CABIN1: variants seen among roughly 807,000 people sequenced by gnomAD.
CABIN1 encodes the protein calcineurin-binding protein cabin-1.
Under a neutral mutation model 227.7 loss-of-function variants are expected in CABIN1, and 133 were observed. That is an observed-to-expected ratio of 0.58 (90% confidence interval 0.51 to 0.67). The LOEUF is 0.67. Ranked by LOEUF, CABIN1 falls within the 30% of genes least tolerant of loss-of-function variation. The pLI, the probability that CABIN1 is intolerant of heterozygous loss-of-function variation, is 0.00. For missense variants in CABIN1, 2,408 were observed against 2,852.5 expected (o/e 0.84, Z 3.55); for synonymous variants, 1,086 against 1,155.1 (o/e 0.94, Z 1.21).
chr22:24,106,839 G>A (rs2042547394), intron 26 of CABIN1, among the ~76,000 whole-genome samples: 1 of 152,152 alleles, frequency 6.6e-6, no homozygotes, highest in African/African-American at 2.4e-5. Flanking sequence ...TTGCCCTATT[G>A]ACGTGAAAGA....
At chr22:24,098,259 G>A (rs374983727) in intron 26 of CABIN1, 67 bp downstream of exon 26, 10 of 1,597,366 alleles carry the variant, frequency 6.3e-6, no homozygotes, top group African/African-American at 2.7e-5. Flanking sequence ...GTGCTCGGAC[G>A]ACTCATTTTG....
At chr22:24,121,968 G>A (rs1460619679) in intron 28 of CABIN1, among the ~76,000 whole-genome samples, 1 of 152,190 alleles carries the variant, frequency 6.6e-6, no homozygotes, top group African/African-American at 2.4e-5. Flanking sequence ...TACAAAATAT[G>A]TATTAGGAAT....
intron 15 of CABIN1, among the ~76,000 whole-genome samples, chr22:24,065,892 C>T (rs1176568491): frequency 2.0e-5 from 3 of 152,166 alleles, no homozygotes; most frequent in African/African-American, 7.2e-5. Context: ...CAATCGCAGG[C>T]ACTCGGCAGG....
chr22:24,067,011 G>T lies in CABIN1; in HGVS notation c.2062G>T (p.Glu688Ter). ...EEIDKNLKSL[E>*]RCQSLEEIQR... ...GATTGATAAGAACCTGAAGTCGCTGGAGCGGTGCCAGTCCCTGGAGGAGAT... is the reference window on the plus strand; with the variant it reads ...GATTGATAAGAACCTGAAGTCGCTGTAGCGGTGCCAGTCCCTGGAGGAGAT... Residue 688 changes from glutamate to a stop codon, truncating the protein, a stop_gained, in exon 16 of 37, where the codon GAG (glutamate) becomes TAG (stop). Transcript: ENST00000263119. LOFTEE classifies it high-confidence loss of function. 6.2e-7 allele frequency: 1 copy of T among 1,614,230 alleles called. No individual in the cohort carries two copies. The highest frequency in any genetic ancestry group is 8.5e-7 in the Non-Finnish European group (1 of 1,180,036).
chr22:24,157,233 A>G (rs1461931018), intron 29 of CABIN1, among the ~76,000 whole-genome samples: 1 of 152,016 alleles, frequency 6.6e-6, no homozygotes, highest in African/African-American at 2.4e-5. Context: ...TTTCCTCCCA[A>G]CCTTAGGGGA....
At chr22:24,036,765 T>G (rs930778645) in intron 3 of CABIN1, among the ~76,000 whole-genome samples, 1 of 152,182 alleles carries the variant, frequency 6.6e-6, no homozygotes, top group African/African-American at 2.4e-5. Context: ...AATAAACATA[T>G]GCCTTCCCTT....
At chr22:24,039,284 C>T (rs907268505) in intron 4 of CABIN1, among the ~76,000 whole-genome samples, 2 of 152,158 alleles carry the variant, frequency 1.3e-5, no homozygotes, top group Admixed American at 1.3e-4. Context: ...TAGTGCTAGG[C>T]ATGCAGACAC....
At chr22:24,112,168 T>G (rs1264984770) in intron 26 of CABIN1, among the ~76,000 whole-genome samples, 1 of 152,248 alleles carries the variant, frequency 6.6e-6, no homozygotes, top group Non-Finnish European at 1.5e-5. Context: ...TTTGTGTGTC[T>G]TACAATTTTT....
chr22:24,099,353 C>A (rs377399981), intron 26 of CABIN1, among the ~76,000 whole-genome samples: 1 of 152,174 alleles, frequency 6.6e-6, no homozygotes, highest in Non-Finnish European at 1.5e-5. Context: ...GAAAGGAGAC[C>A]TGCAGTGTCC....
chr22:24,062,868 G>GGTGT (rs1222151032), intron 13 of CABIN1, 91 bp from the exon 14 acceptor site: 2 of 1,235,700 alleles, frequency 1.6e-6, no homozygotes, highest in African/African-American at 1.5e-5. Context: ...AGATAGGGTG[G>GGTGT]GTGTGGTTAG....
intron 24 of CABIN1, among the ~76,000 whole-genome samples, chr22:24,094,433 C>T (rs553894635): frequency 6.6e-6 from 1 of 152,204 alleles, no homozygotes; most frequent in African/African-American, 2.4e-5. Context: ...AGCAAGCACA[C>T]ATAGTTAATT....
intron 16 of CABIN1, among the ~76,000 whole-genome samples, chr22:24,067,800 T>A (rs1490499997): frequency 6.6e-6 from 1 of 152,110 alleles, no homozygotes; most frequent in African/African-American, 2.4e-5. Context: ...CAGAGTCCTG[T>A]TGTAGGGATT....
intron 12 of CABIN1, among the ~76,000 whole-genome samples, chr22:24,060,969 C>CTTGCCATG (rs1003084296): frequency 1.3e-5 from 2 of 152,250 alleles, no homozygotes; most frequent in Middle Eastern, 3.4e-3. Flanking sequence ...AGGATGTGGT[C>CTTGCCATG]TTGCCATGTT....
chr22:24,148,402 C>T (rs2045282056), intron 29 of CABIN1, among the ~76,000 whole-genome samples: 1 of 152,218 alleles, frequency 6.6e-6, no homozygotes, highest in African/African-American at 2.4e-5. Context: ...CCTGAGGGCT[C>T]CCATCCTTTG....
At position 24,036,092 on chromosome 22, in the gene CABIN1, C is replaced by G. The variant is rs765015732; in HGVS notation, c.7C>G (p.Arg3Gly). ...TCCACCAAACCCCTGTTTCTAGATT[C>G]GAATTGCAGCCTTAAATGCCAGCTC... MI[R>G]IAALNASSTI... Residue 3 changes from arginine (R) to glycine (G), a missense_variant, in exon 3 of 37, where the codon CGA becomes GGA. Coordinates refer to ENST00000263119, the MANE Select transcript of CABIN1 (RefSeq NM_012295.4). 6.2e-7 allele frequency: 1 copy of G among 1,612,608 alleles called. No homozygotes were observed.
chr22:24,056,943 C>CTT (rs796302054), intron 10 of CABIN1, among the ~76,000 whole-genome samples: 6 of 146,454 alleles, frequency 4.1e-5, no homozygotes, highest in East Asian at 2.0e-4. Context: ...GTCCTTCTGC[C>CTT]TTTTTTTTTT....
intron 7 of CABIN1, among the ~76,000 whole-genome samples, chr22:24,050,359 T>C (rs1217186003): frequency 6.6e-6 from 1 of 152,190 alleles, no homozygotes. Flanking sequence ...GCCTCAGAAG[T>C]GTGTCTGTGA....
intron 1 of CABIN1, among the ~76,000 whole-genome samples, chr22:24,019,601 C>T (rs2035566133): frequency 6.7e-6 from 1 of 149,912 alleles, no homozygotes; most frequent in Admixed American, 6.7e-5. Context: ...TTGGGGTTTT[C>T]CAGGTAGTAT....
At chr22:24,120,113 ACT>A (rs2043317339) in intron 28 of CABIN1, among the ~76,000 whole-genome samples, 1 of 151,930 alleles carries the variant, frequency 6.6e-6, no homozygotes, top group South Asian at 2.1e-4. Context: ...GGCCCTGCTT[ACT>A]CTCTGTTCTG....
Sources: gnomAD v4.1 joint callset for allele counts (sites outside exome capture counted in the v4.1 genomes callset) on GRCh38, gnomAD v4.1.1 for gene constraint, MANE v1.5 for transcripts, NCBI Gene and HGNC (gene_info 2026-07-23, HGNC 2026-07-21) for gene names.